Variants in POPDC1 observed in about 807,000 individuals in gnomAD.
POPDC1 encodes popeye domain-containing protein 1.
the POPDC1 span, among the ~76,000 whole-genome samples, chr6:105,134,152 CATT>C: frequency 6.6e-6 from 1 of 152,072 alleles, no homozygotes; most frequent in Non-Finnish European, 1.5e-5. Context: ...ATACATAATA[CATT>C]ATCATATATG....
chr6:105,132,743 G>A, the POPDC1 span, among the ~76,000 whole-genome samples: 1 of 152,184 alleles, frequency 6.6e-6, no homozygotes, highest in Non-Finnish European at 1.5e-5. Flanking sequence ...AATTTAACTT[G>A]CTTCATCAGG....
At chr6:105,135,950 A>G in the POPDC1 span, among the ~76,000 whole-genome samples, 10 of 152,138 alleles carry the variant, frequency 6.6e-5, no homozygotes, top group Admixed American at 6.5e-4. Context: ...AATCAAGAGA[A>G]ATTATTTTTC....
chr6:105,102,014 A>G, the POPDC1 span, among the ~76,000 whole-genome samples: 1 of 152,190 alleles, frequency 6.6e-6, no homozygotes, highest in African/African-American at 2.4e-5. Flanking sequence ...GTGCCTAATG[A>G]GCAGCTAACG....
the POPDC1 span, chr6:105,100,304 TC>T: frequency 6.6e-6 from 1 of 151,216 alleles, no homozygotes; most frequent in Non-Finnish European, 1.5e-5. Flanking sequence ...GGTCAGGAGA[TC>T]GAGACCATCC....
At chr6:105,115,973 G>T in the POPDC1 span, 2 of 601,846 alleles carry the variant, frequency 3.3e-6, no homozygotes, top group Non-Finnish European at 2.6e-6. Flanking sequence ...ATAAACATAA[G>T]CTATGATTTT....
chr6:105,125,443 C>A, the POPDC1 span: 1 of 1,614,184 alleles, frequency 6.2e-7, no homozygotes, highest in Non-Finnish European at 8.5e-7. Context: ...TTATCCTCTG[C>A]AGCATAAGTT....
chr6:105,129,068 A>C, the POPDC1 span, among the ~76,000 whole-genome samples: 1 of 152,226 alleles, frequency 6.6e-6, no homozygotes. Flanking sequence ...ATAACTGGGC[A>C]ATGATATTTC....
the POPDC1 span, among the ~76,000 whole-genome samples, chr6:105,117,672 T>C: frequency 6.6e-6 from 1 of 152,188 alleles, no homozygotes; most frequent in African/African-American, 2.4e-5. Context: ...TTAACACAAC[T>C]GCAAGCTTCA....
chr6:105,119,624 A>G, the POPDC1 span, among the ~76,000 whole-genome samples: 1 of 152,224 alleles, frequency 6.6e-6, no homozygotes, highest in Non-Finnish European at 1.5e-5. Context: ...AAAGACAGTT[A>G]GGACTGATGT....
chr6:105,129,556 G>A, the POPDC1 span: 1 of 1,548,562 alleles, frequency 6.5e-7, no homozygotes, highest in East Asian at 2.3e-5. Context: ...CCTAAGTGGG[G>A]AGCTTAATAA....
chr6:105,102,345 C>G, the POPDC1 span, among the ~76,000 whole-genome samples: 1 of 152,196 alleles, frequency 6.6e-6, no homozygotes, highest in Non-Finnish European at 1.5e-5. Context: ...GAGTCAGGAG[C>G]AGACAGCTGG....
At chr6:105,123,433 C>G in the POPDC1 span, among the ~76,000 whole-genome samples, 1 of 151,948 alleles carries the variant, frequency 6.6e-6, no homozygotes, top group Non-Finnish European at 1.5e-5. Context: ...CGGAGTCTTG[C>G]TCTGTTGCCC....
chr6:105,109,041 A>G, the POPDC1 span, among the ~76,000 whole-genome samples: 47 of 152,266 alleles, frequency 3.1e-4, no homozygotes, highest in Middle Eastern at 0.01. Flanking sequence ...ACTCACTGCA[A>G]CCTCAACCTC....
At chr6:105,122,329 G>A in the POPDC1 span, among the ~76,000 whole-genome samples, 1 of 152,138 alleles carries the variant, frequency 6.6e-6, no homozygotes, top group African/African-American at 2.4e-5. Flanking sequence ...ATCCAGCTAT[G>A]GCACTATAAA....
chr6:105,104,778 C>T, the POPDC1 span, among the ~76,000 whole-genome samples: 72 of 152,298 alleles, frequency 4.7e-4, no homozygotes, highest in African/African-American at 1.7e-3. Flanking sequence ...TCACCTGCTA[C>T]AATGTTTTCA....
At chr6:105,125,180 A>T in the POPDC1 span, among the ~76,000 whole-genome samples, 1 of 152,236 alleles carries the variant, frequency 6.6e-6, no homozygotes, top group Non-Finnish European at 1.5e-5. Flanking sequence ...AAATCCTGAC[A>T]TCAAGATTCA....
the POPDC1 span, among the ~76,000 whole-genome samples, chr6:105,102,965 A>C: frequency 6.3e-4 from 96 of 152,356 alleles, no homozygotes; most frequent in Non-Finnish European, 1.3e-4. Context: ...TGTAGAAAAG[A>C]AGCATCTAAT....
chr6:105,103,479 A>G, the POPDC1 span, among the ~76,000 whole-genome samples: 10 of 152,106 alleles, frequency 6.6e-5, no homozygotes, highest in African/African-American at 2.4e-4. Context: ...TAAAAAAAAA[A>G]AAAAAAGCCC....
chr6:105,122,863 T>C, the POPDC1 span, among the ~76,000 whole-genome samples: 5 of 152,224 alleles, frequency 3.3e-5, no homozygotes, highest in African/African-American at 9.6e-5. Flanking sequence ...TCCTTCTGCA[T>C]TGTAAGTCCA....
Sources: gnomAD v4.1 joint callset for allele counts (sites outside exome capture counted in the v4.1 genomes callset) on GRCh38, gnomAD v4.1.1 for gene constraint, MANE v1.5 for transcripts, NCBI Gene and HGNC (gene_info 2026-07-23, HGNC 2026-07-21) for gene names.